CSMD2: variants seen among roughly 807,000 people sequenced by gnomAD.
The protein encoded by CSMD2 is CUB and Sushi multiple domains 2.
Under a neutral mutation model 398.5 loss-of-function variants are expected in CSMD2, and 130 were observed. The observed-to-expected ratio is 0.33, with a 90% CI of 0.28 to 0.38. The LOEUF is 0.38. CSMD2 is among the 10% of genes least tolerant of loss of function. The pLI is 1.00. For missense variants in CSMD2, 3,829 were observed against 4,764.9 expected (o/e 0.80, Z 5.78); for synonymous variants, 1,828 against 1,908.5 (o/e 0.96, Z 1.10).
intron 3 of CSMD2, among the ~76,000 whole-genome samples, chr1:34,030,691 C>T (rs1443058645): frequency 6.6e-6 from 1 of 152,208 alleles, no homozygotes; most frequent in East Asian, 1.9e-4. Flanking sequence ...GTGCCCCTAA[C>T]AGGGCAGTGT....
chr1:33,982,778 C>G (rs1049869472), intron 3 of CSMD2, among the ~76,000 whole-genome samples: 1 of 152,116 alleles, frequency 6.6e-6, no homozygotes, highest in African/African-American at 2.4e-5. Flanking sequence ...TCTACTGTGG[C>G]CTTGGTGGAG....
At chr1:33,586,964 A>C (rs1350951035) in intron 45 of CSMD2, 124 bp downstream of exon 45, 1 of 699,492 alleles carries the variant, frequency 1.4e-6, no homozygotes, top group Non-Finnish European at 2.4e-6. Flanking sequence ...CACAGGGCCT[A>C]CTGTTTCTCT....
chr1:34,000,508 A>G (rs1312469119), intron 3 of CSMD2, among the ~76,000 whole-genome samples: 1 of 152,188 alleles, frequency 6.6e-6, no homozygotes, highest in Non-Finnish European at 1.5e-5. Flanking sequence ...CATACCGGCA[A>G]TGCAGAACCG....
rs1033288917 is a variant in CSMD2 at position 33,767,451 on chromosome 1, G to A, written c.1846+5118C>T. On this transcript the variant is annotated intron_variant, in intron 13 of 70. Coordinates refer to ENST00000373381, the MANE Select transcript of CSMD2 (RefSeq NM_001281956.2). ...GGCCCTTGAGCTCCAGATACGTCTAGAGATAGAGTTACAGCACATTATATA... is the reference window on the plus strand; with the variant it reads ...GGCCCTTGAGCTCCAGATACGTCTAAAGATAGAGTTACAGCACATTATATA... Among the ~76,000 whole-genome samples, 39 of 152,292 alleles carry A rather than the reference G, an allele frequency of 2.6e-4. 1 individual carries two copies. The highest frequency in any genetic ancestry group is 9.4e-4 in the African/African-American group (39 of 41,560).
At chr1:33,820,834 GC>G (rs150248824) in intron 7 of CSMD2, among the ~76,000 whole-genome samples, 3,022 of 152,150 alleles carry the variant, frequency 0.02, 102 homozygotes, top group African/African-American at 0.068. Context: ...ACCACCACCT[GC>G]TTCCCTCGTC....
At chr1:33,940,009 C>T (rs968921335) in intron 3 of CSMD2, among the ~76,000 whole-genome samples, 1 of 152,188 alleles carries the variant, frequency 6.6e-6, no homozygotes, top group Non-Finnish European at 1.5e-5. Context: ...CTGAAAACAA[C>T]AGAAACTTAT....
At chr1:33,950,574 G>T (rs1444684475) in intron 3 of CSMD2, among the ~76,000 whole-genome samples, 2 of 152,198 alleles carry the variant, frequency 1.3e-5, no homozygotes, top group Non-Finnish European at 2.9e-5. Flanking sequence ...AGGAGAGCCT[G>T]TTGAGGATGG....
At chr1:33,812,234 G>C (rs1224968028) in intron 9 of CSMD2, among the ~76,000 whole-genome samples, 1 of 152,210 alleles carries the variant, frequency 6.6e-6, no homozygotes, top group Non-Finnish European at 1.5e-5. Context: ...CAAGTGGAGG[G>C]AGCAGGTGGA....
At chr1:34,135,244 A>T (rs2169904) in intron 1 of CSMD2, among the ~76,000 whole-genome samples, 4,795 of 24,682 alleles carry the variant, frequency 0.19, 100 homozygotes, top group Non-Finnish European at 0.28. Flanking sequence ...TGTTGAAATC[A>T]CACACACACA....
At position 34,164,821 on chromosome 1, in the gene CSMD2, G is replaced by A. The variant is rs1641721537; in HGVS notation, c.187+90C>T. 2 of 1,073,626 alleles carry A rather than the reference G, an allele frequency of 1.9e-6. No homozygotes were observed. The highest frequency in any genetic ancestry group is 1.2e-6 in the Non-Finnish European group (1 of 856,518). The allele number at this position is 1,073,626 out of a possible 1,614,324, so 66.5% of individuals were successfully genotyped here. A position where few individuals can be genotyped will look rare whatever the true frequency, so the allele number is the denominator to read the frequency against. On this transcript the variant is annotated intron_variant, in intron 1 of 70. Coordinates refer to ENST00000373381, the MANE Select transcript of CSMD2 (RefSeq NM_001281956.2). This position sits in a 1 kb window ranked among gnomAD's most constrained non-coding sequence, Gnocchi z 6.2. Reference sequence around the variant, plus strand: ...ATTCAGGCAGGGATAGAGGCGGGGGGAGGGACTGGGACCGGGTCGAGGATG... The same window carrying A: ...ATTCAGGCAGGGATAGAGGCGGGGGAAGGGACTGGGACCGGGTCGAGGATG...
At chr1:34,165,582 C>CCACA (rs373165115), upstream of CSMD2, among the ~76,000 whole-genome samples, 11 of 150,070 alleles carry the variant, frequency 7.3e-5, no homozygotes, top group African/African-American at 2.0e-4. Context: ...ACCCCCCTCT[C>CCACA]CACACACACA....
rs1400925941 is a variant in CSMD2, at chr1:33,636,643, G to A, written c.4775-89C>T. 5 of 1,091,624 alleles carry A rather than the reference G, an allele frequency of 4.6e-6. No individual in the cohort carries two copies. The East Asian group carries it at 7.5e-5, about 16-fold the overall frequency. The allele number at this position is 1,091,624 out of a possible 1,614,324, so 67.6% of individuals were successfully genotyped here. A position where few individuals can be genotyped will look rare whatever the true frequency, so the allele number is the denominator to read the frequency against. ...GCTCCAGTGCCCATGAGGAGAACCC[G>A]ACTTTAATTAGCCACAGAGCACACG... On this transcript the variant is annotated intron_variant, in intron 29 of 70. Transcript: ENST00000373381. This position sits in a 1 kb window ranked among gnomAD's most constrained non-coding sequence, Gnocchi z 4.8.
chr1:33,843,367 T>C (rs7536641), intron 6 of CSMD2, among the ~76,000 whole-genome samples: 13,914 of 152,286 alleles, frequency 0.091, 852 homozygotes, highest in South Asian at 0.23. Flanking sequence ...GACCAGAATA[T>C]AATGTACTAT....
chr1:33,810,675 C>A, intron 10 of CSMD2, 68 bp downstream of exon 10: 1 of 1,533,154 alleles, frequency 6.5e-7, no homozygotes, highest in Non-Finnish European at 8.8e-7. Context: ...TTTGAAAAAC[C>A]TTGTAGGCCA....
intron 29 of CSMD2, among the ~76,000 whole-genome samples, chr1:33,638,067 C>T (rs935758581): frequency 9.2e-5 from 14 of 152,104 alleles, no homozygotes; most frequent in African/African-American, 3.4e-4. Flanking sequence ...AAGTCGTTGC[C>T]CGCAGCTGAG....
intron 14 of CSMD2, among the ~76,000 whole-genome samples, chr1:33,739,632 T>A (rs1331878262): frequency 1.3e-5 from 2 of 152,226 alleles, no homozygotes; most frequent in African/African-American, 4.8e-5. Flanking sequence ...AATGATTCTA[T>A]GAAGTAGCTC....
intron 13 of CSMD2, among the ~76,000 whole-genome samples, chr1:33,758,633 T>C (rs1237029502): frequency 6.6e-6 from 1 of 152,242 alleles, no homozygotes; most frequent in African/African-American, 2.4e-5. Flanking sequence ...CATCACTTAT[T>C]ATGGTAGATC....
At chr1:34,097,930 T>G (rs1293059179) in intron 1 of CSMD2, among the ~76,000 whole-genome samples, 2 of 130,990 alleles carry the variant, frequency 1.5e-5, no homozygotes, top group African/African-American at 6.1e-5. Context: ...CCCAAAGGAC[T>G]ATAAATCATG....
At chr1:33,841,573 G>T (rs1430151517) in intron 6 of CSMD2, among the ~76,000 whole-genome samples, 1 of 151,928 alleles carries the variant, frequency 6.6e-6, no homozygotes, top group Non-Finnish European at 1.5e-5. Flanking sequence ...CATTTCCATA[G>T]ACTTGAAACA....
Sources: allele counts gnomAD v4.1 joint callset (sites outside exome capture counted in the v4.1 genomes callset), GRCh38; gene constraint gnomAD v4.1.1; non-coding constraint Gnocchi (gnomAD v3.1); transcripts MANE v1.5; gene names NCBI Gene and HGNC (gene_info 2026-07-23, HGNC 2026-07-21).